PCCA: variants seen among roughly 807,000 people sequenced by gnomAD.
PCCA encodes the protein propionyl-CoA carboxylase subunit alpha.
In PCCA, 74 loss-of-function variants were observed where a neutral mutation model predicts 101.3. That is an observed-to-expected ratio of 0.73 (90% confidence interval 0.61 to 0.89). The LOEUF (loss-of-function observed/expected upper bound fraction) is 0.89, where lower values mean the gene tolerates loss of function less well. Ranked by LOEUF, PCCA falls within the 40% of genes least tolerant of loss-of-function variation. The pLI, the probability that PCCA is intolerant of heterozygous loss-of-function variation, is 0.00. For missense variants in PCCA, 891 were observed against 907.0 expected, an observed-to-expected ratio of 0.98 and a Z score of 0.23; for synonymous variants, 294 against 313.6, an observed-to-expected ratio of 0.94 and a Z score of 0.66.
chr13:100,162,439 A>G (rs1478498370), intron 6 of PCCA, among the ~76,000 whole-genome samples: 1 of 152,250 alleles, frequency 6.6e-6, no homozygotes, highest in South Asian at 2.1e-4. Flanking sequence ...TGTTTAGTAT[A>G]TGTTCCAGAC....
chr13:100,279,793 A>C (rs1193553554), intron 12 of PCCA, among the ~76,000 whole-genome samples: 1 of 152,154 alleles, frequency 6.6e-6, no homozygotes, highest in African/African-American at 2.4e-5. Flanking sequence ...TTTTAATAGT[A>C]GACATTCTCT....
chr13:100,210,892 T>C (rs1188618689), intron 7 of PCCA, among the ~76,000 whole-genome samples: 1 of 152,356 alleles, frequency 6.6e-6, no homozygotes. Flanking sequence ...GCATTTACTT[T>C]TATCTATGTG....
chr13:100,158,725 G>C (rs2054126837), intron 6 of PCCA, among the ~76,000 whole-genome samples: 1 of 152,102 alleles, frequency 6.6e-6, no homozygotes. Flanking sequence ...CAGTCCACAG[G>C]ACAAATGCAG....
At chr13:100,386,996 G>A (rs2076546755) in intron 19 of PCCA, among the ~76,000 whole-genome samples, 1 of 152,076 alleles carries the variant, frequency 6.6e-6, no homozygotes, top group Non-Finnish European at 1.5e-5. Context: ...TGAAATAATG[G>A]AGCCTTAATT....
rs11459500 is a variant in PCCA at position 100,393,417 on chromosome 13, CT to C, written c.1746+24862del. On this transcript the variant is annotated intron_variant, in intron 19 of 23. Coordinates refer to ENST00000376285, the MANE Select transcript of PCCA (RefSeq NM_000282.4). ...TGGCTTTTATTAACTACTGAAGAGTCTTTTTTTTTTTTTTTTTTTGAGATGG... is the reference window on the plus strand; with the variant it reads ...TGGCTTTTATTAACTACTGAAGAGTCTTTTTTTTTTTTTTTTTTGAGATGG... Among the ~76,000 whole-genome samples the C allele has an allele frequency of 1.9e-3, 218 of 113,668 alleles. 1 individual carries two copies. The highest frequency in any genetic ancestry group is 4.7e-3 in the Middle Eastern group (1 of 212). 74.6% of individuals were successfully genotyped at this position (113,668 alleles called of 152,430 possible). A position where few individuals can be genotyped will look rare whatever the true frequency, so the allele number is the denominator to read the frequency against.
intron 6 of PCCA, among the ~76,000 whole-genome samples, chr13:100,166,340 G>A (rs1349819468): frequency 2.0e-5 from 3 of 152,102 alleles, no homozygotes; most frequent in Non-Finnish European, 4.4e-5. Flanking sequence ...TGGAGACAGA[G>A]TTTCCCCTCT....
chr13:100,342,078 G>A (rs1262345586), intron 18 of PCCA, among the ~76,000 whole-genome samples: 1 of 150,828 alleles, frequency 6.6e-6, no homozygotes, highest in African/African-American at 2.4e-5. Flanking sequence ...AATATGGTTT[G>A]AATTACTTGT....
intron 18 of PCCA, among the ~76,000 whole-genome samples, chr13:100,343,706 T>C (rs2071740724): frequency 6.6e-6 from 1 of 152,210 alleles, no homozygotes; most frequent in Non-Finnish European, 1.5e-5. Flanking sequence ...TATTACAATC[T>C]CACTTGATCT....
Position 100,341,880 on chromosome 13 carries a change from A to G in PCCA, c.1643+1621A>G, listed in dbSNP as rs2071364912. Among the ~76,000 whole-genome samples, 3 of 151,116 alleles carry G rather than the reference A, an allele frequency of 2.0e-5. No individual in the cohort carries two copies. The South Asian group carries it at 6.2e-4, about 31-fold the overall frequency. ...GGAAGAATCTGAAAAGGGCTTAAAA[A>G]GATGGAGAATAAAAATTACCTGTAA... On this transcript the variant is annotated intron_variant, in intron 18 of 23. Transcript: ENST00000376285.
chr13:100,298,317 G>C (rs955738816), intron 12 of PCCA, among the ~76,000 whole-genome samples: 17 of 152,136 alleles, frequency 1.1e-4, no homozygotes, highest in Non-Finnish European at 2.5e-4. Context: ...TTCTCTAGGA[G>C]AGTCACAGGA....
chr13:100,189,328 G>T (rs1024190056), intron 6 of PCCA, among the ~76,000 whole-genome samples: 1 of 152,158 alleles, frequency 6.6e-6, no homozygotes, highest in African/African-American at 2.4e-5. Flanking sequence ...TTGCTACTGT[G>T]AATAGTGCCG....
rs1191513460 is a variant in PCCA, at chr13:100,124,825, A to G, written c.300+12764A>G. Among the ~76,000 whole-genome samples the G allele has an allele frequency of 2.0e-5, 3 of 152,018 alleles. No individual in the cohort carries two copies. In the East Asian group the frequency reaches 5.8e-4, roughly 29 times the overall value. ...CATGTCTCTGTATATACATACACTT[A>G]TTTATATTTTTGTCAGTGTATCTTC... On this transcript the variant is annotated intron_variant, in intron 4 of 23. Transcript: ENST00000376285.
chr13:100,419,289 T>G (rs1054449714), intron 19 of PCCA, among the ~76,000 whole-genome samples: 10 of 151,834 alleles, frequency 6.6e-5, no homozygotes, highest in Non-Finnish European at 8.8e-5. Context: ...CTGGCCAACA[T>G]GGTGAAACCC....
At position 100,219,549 on chromosome 13, in the gene PCCA, C is replaced by T. The variant is rs148717963; in HGVS notation, c.600+10086C>T. ...GTGTGCTGGGACATGGGAAATGTGA[C>T]GGGTATTATCCATATCTGTCAACTG... On this transcript the variant is annotated intron_variant, in intron 7 of 23. Transcript: ENST00000376285. Among the ~76,000 whole-genome samples the T allele has an allele frequency of 2.9e-3, 435 of 152,206 alleles. 1 individual carries two copies. Among genetic ancestry groups the T allele is most frequent in the Non-Finnish European group, 3.7e-3 (255 of 68,020 alleles).
intron 4 of PCCA, among the ~76,000 whole-genome samples, chr13:100,112,948 T>C (rs2048460875): frequency 6.6e-6 from 1 of 152,182 alleles, no homozygotes; most frequent in South Asian, 2.1e-4. Flanking sequence ...AGAATGTAAA[T>C]TATTAAATCT....
chr13:100,472,808 T>C (rs2083119133), intron 21 of PCCA, among the ~76,000 whole-genome samples: 2 of 151,992 alleles, frequency 1.3e-5, no homozygotes, highest in South Asian at 2.1e-4. Context: ...AATTAGCTGG[T>C]CTTGGGAGAG....
In PCCA at chr13:100,446,166, T is replaced by G. The variant is rs58511354; in HGVS notation, c.1846-3086T>G. On this transcript the variant is annotated intron_variant, in intron 20 of 23. Transcript: ENST00000376285. ...GATTCTCCTGCCTCAGGCTCCTGAG[T>G]AGCTGGGACTGCAGGCACCTGCCAC... Among the ~76,000 whole-genome samples the G allele has an allele frequency of 9.9e-3, 1,502 of 152,168 alleles. 28 individuals are homozygous for G. The highest frequency in any genetic ancestry group is 0.034 in the African/African-American group (1,414 of 41,510).
chr13:100,400,727 G>A (rs1362426752), intron 19 of PCCA, among the ~76,000 whole-genome samples: 1 of 146,342 alleles, frequency 6.8e-6, no homozygotes, highest in Non-Finnish European at 1.5e-5. Flanking sequence ...CTGGGTTCAA[G>A]CGATTCTTCT....
At chr13:100,274,653 C>G (rs919232517) in intron 12 of PCCA, among the ~76,000 whole-genome samples, 2 of 152,124 alleles carry the variant, frequency 1.3e-5, no homozygotes, top group African/African-American at 2.4e-5. Flanking sequence ...TAATCCCTGC[C>G]TCAGTTGTCA....
Sources: allele counts gnomAD v4.1 joint callset (sites outside exome capture counted in the v4.1 genomes callset), GRCh38; gene constraint gnomAD v4.1.1; transcripts MANE v1.5; gene names NCBI Gene and HGNC (gene_info 2026-07-23, HGNC 2026-07-21).